Variants in MGAT5 observed in about 807,000 individuals in gnomAD.
MGAT5 encodes alpha-1,6-mannosylglycoprotein 6-beta-N-acetylglucosaminyltransferase, also known as alpha-1,6-mannosylglycoprotein 6-beta-N-acetylglucosaminyltransferase A.
In MGAT5, 30 loss-of-function variants were observed where a neutral mutation model predicts 94.3. The observed-to-expected ratio is 0.32, with a 90% CI of 0.24 to 0.43. The LOEUF is 0.43. Among genes scored for constraint, MGAT5 ranks in the 20% least tolerant of loss-of-function variants. MGAT5 has a pLI of 1.00. For synonymous variants in MGAT5, 310 were observed against 322.9 expected, an observed-to-expected ratio of 0.96 and a Z score of 0.43; for missense variants, 691 against 905.5, an observed-to-expected ratio of 0.76 and a Z score of 3.04.
intron 1 of MGAT5, among the ~76,000 whole-genome samples, chr2:134,128,530 G>A (rs1667840499): frequency 6.6e-6 from 1 of 152,052 alleles, no homozygotes; most frequent in African/African-American, 2.4e-5. Flanking sequence ...ATTTCTGTAA[G>A]CAGAATCAAA....
rs1421501263 is a variant in MGAT5, at chr2:134,451,535, G to C, written c.*2688G>C. ...CTTCCAACTGCCCTGCATGGAAGAG[G>C]AGAGGAAGGTGCCCCTGTGTGGGCT... On this transcript the variant is annotated 3_prime_UTR_variant, in exon 16 of 16. Coordinates refer to ENST00000281923, the MANE Select transcript of MGAT5 (RefSeq NM_002410.5). 2 of 152,304 alleles carry C rather than the reference G, an allele frequency of 1.3e-5. No homozygotes were observed. Among genetic ancestry groups the C allele is most frequent in the Non-Finnish European group, 2.9e-5 (2 of 68,094 alleles). 9.4% of individuals were successfully genotyped at this position (152,304 alleles called of 1,614,324 possible).
In MGAT5 at chr2:134,317,594, G is replaced by A. The variant is rs769181722; in HGVS notation, c.472G>A (p.Gly158Arg). 2 of 1,564,418 alleles carry A rather than the reference G, an allele frequency of 1.3e-6. No individual in the cohort carries two copies. The highest frequency in any genetic ancestry group is 1.7e-6 in the Non-Finnish European group (2 of 1,157,236). ...TATGGACGGCTACCCTCACTGTGAG[G>A]GAAAGATCAAGGTAAGGCAGAGGCA... ...PPMDGYPHCE[G>R]KIKWMKDMWR... The change falls in exon 3 of 16, where the codon GGA becomes AGA. Residue 158 changes from glycine to arginine, a missense_variant. Physicochemically the swap from Gly to Arg is moderately radical, Grantham distance 125 (BLOSUM62 -2). Coordinates refer to ENST00000281923, the MANE Select transcript of MGAT5 (RefSeq NM_002410.5).
chr2:134,127,505 C>G (rs965506656), intron 1 of MGAT5, among the ~76,000 whole-genome samples: 32 of 125,244 alleles, frequency 2.6e-4, no homozygotes, highest in Non-Finnish European at 4.5e-4. Flanking sequence ...TCCCCCCCCC[C>G]CAGGCTTGTT....
chr2:134,285,710 C>T (rs1684961933), intron 2 of MGAT5, among the ~76,000 whole-genome samples: 1 of 152,130 alleles, frequency 6.6e-6, no homozygotes, highest in East Asian at 1.9e-4. Context: ...TTTCATATTT[C>T]TCCATAACAT....
rs547852348 is a variant in MGAT5, at chr2:134,172,259, A to G, written c.-143+51968A>G. Among the ~76,000 whole-genome samples the G allele has an allele frequency of 1.4e-4, 22 of 152,308 alleles. No homozygotes were observed. The East Asian group carries it at 4.1e-3, about 28-fold the overall frequency. On this transcript the variant is annotated intron_variant, in intron 1 of 16. Transcript: ENST00000409645. Reference sequence around the variant, plus strand: ...ACTGAACTGGAGCGTGTGACTCCTAAGGACAGTATAGTCTCTGAACTGTGT... The same window carrying G: ...ACTGAACTGGAGCGTGTGACTCCTAGGGACAGTATAGTCTCTGAACTGTGT...
At chr2:134,382,258 A>G (rs1389863956) in intron 10 of MGAT5, among the ~76,000 whole-genome samples, 1 of 152,126 alleles carries the variant, frequency 6.6e-6, no homozygotes, top group Non-Finnish European at 1.5e-5. Flanking sequence ...GTCTAAAAAA[A>G]AAAAATAAAG....
At chr2:134,204,615 A>G (rs1161014174) in intron 1 of MGAT5, among the ~76,000 whole-genome samples, 1 of 152,210 alleles carries the variant, frequency 6.6e-6, no homozygotes, top group East Asian at 1.9e-4. Context: ...GCAGTACCCC[A>G]GGAAGGAGAT....
At position 134,177,144 on chromosome 2, in the gene MGAT5, C is replaced by CGTGTGTGTGTGTGT. The variant is rs141358502; in HGVS notation, c.-143+56858_-143+56871dup. Reference sequence around the variant, plus strand: ...AGGGACCTCCTGTAACAAATGAACCCGTGTGTGTGTGTGTGTGTATGTATC... The same window carrying CGTGTGTGTGTGTGT: ...AGGGACCTCCTGTAACAAATGAACCCGTGTGTGTGTGTGTGTGTGTGTGTGTGTGTGTATGTATC... On this transcript the variant is annotated intron_variant, in intron 1 of 16. Transcript: ENST00000409645. Among the ~76,000 whole-genome samples, 490 of 142,622 alleles carry CGTGTGTGTGTGTGT rather than the reference C, an allele frequency of 3.4e-3. 6 individuals are homozygous for CGTGTGTGTGTGTGT. Among genetic ancestry groups the CGTGTGTGTGTGTGT allele is most frequent in the African/African-American group, 0.012 (447 of 36,204 alleles). The allele number at this position is 142,622 out of a possible 152,430, so 93.6% of individuals were successfully genotyped here. A position where few individuals can be genotyped will look rare whatever the true frequency, so the allele number is the denominator to read the frequency against.
At chr2:134,274,693 C>G (rs369737110) in intron 2 of MGAT5, among the ~76,000 whole-genome samples, 1 of 152,180 alleles carries the variant, frequency 6.6e-6, no homozygotes, top group South Asian at 2.1e-4. Context: ...ATGATAGCAT[C>G]CAAGTGGTGT....
At chr2:134,298,968 GCTTT>G (rs1296413342) in intron 2 of MGAT5, among the ~76,000 whole-genome samples, 1 of 152,172 alleles carries the variant, frequency 6.6e-6, no homozygotes, top group African/African-American at 2.4e-5. Context: ...GAATTCTTCT[GCTTT>G]CTTGTGAAAG....
At chr2:134,311,481 C>A (rs1219826784) in intron 2 of MGAT5, among the ~76,000 whole-genome samples, 2 of 152,110 alleles carry the variant, frequency 1.3e-5, no homozygotes, top group African/African-American at 4.8e-5. Flanking sequence ...ATATGGTCAG[C>A]CATTGCTCTG....
chr2:134,197,162 A>G (rs1679532583), intron 1 of MGAT5, among the ~76,000 whole-genome samples: 1 of 152,190 alleles, frequency 6.6e-6, no homozygotes, highest in Admixed American at 6.5e-5. Flanking sequence ...AACTCTGCAG[A>G]TTGGTGGGTT....
At chr2:134,261,328 T>C (rs1370328414) in intron 1 of MGAT5, among the ~76,000 whole-genome samples, 1 of 152,116 alleles carries the variant, frequency 6.6e-6, no homozygotes, top group Non-Finnish European at 1.5e-5. Flanking sequence ...CCCAGCTGTG[T>C]CCTGGTGCTC....
chr2:134,132,490 AT>A (rs1686223358), intron 1 of MGAT5, among the ~76,000 whole-genome samples: 1 of 152,242 alleles, frequency 6.6e-6, no homozygotes, highest in Non-Finnish European at 1.5e-5. Flanking sequence ...GTCTTAAAAA[AT>A]TTTGGTCAGA....
rs535055811 is a variant in MGAT5, at chr2:134,284,497, G to A, written c.406+13947G>A. ...AAGTTTGCCAACCCCTGGCCTAAAT[G>A]AATGGTGCTGTCTGGAATGCAGTAC... is the stretch of plus-strand genomic sequence containing the variant. On this transcript the variant is annotated intron_variant, in intron 2 of 15. Transcript: ENST00000281923. Among the ~76,000 whole-genome samples the A allele has an allele frequency of 1.6e-4, 24 of 151,834 alleles. No homozygotes were observed. The South Asian group carries it at 5.0e-3, about 32-fold the overall frequency.
At chr2:134,347,755 G>A (rs1310184270) in intron 8 of MGAT5, among the ~76,000 whole-genome samples, 3 of 152,130 alleles carry the variant, frequency 2.0e-5, no homozygotes, top group Admixed American at 2.0e-4. Flanking sequence ...GTCCACAGGG[G>A]TCCTGGAACA....
chr2:134,358,150 A>G (rs17784019), intron 9 of MGAT5, among the ~76,000 whole-genome samples: 1,945 of 151,338 alleles, frequency 0.013, 15 homozygotes, highest in African/African-American at 0.02. Flanking sequence ...TACTGTATCA[A>G]TCTATATGCC....
At chr2:134,183,221 A>G (rs569648264) in intron 1 of MGAT5, among the ~76,000 whole-genome samples, 1 of 152,328 alleles carries the variant, frequency 6.6e-6, no homozygotes, top group East Asian at 1.9e-4. Flanking sequence ...TGTTCCATGC[A>G]TGGGTTCACT....
chr2:134,273,967 A>G (rs1266821821), intron 2 of MGAT5, among the ~76,000 whole-genome samples: 1 of 152,204 alleles, frequency 6.6e-6, no homozygotes, highest in Non-Finnish European at 1.5e-5. Context: ...GGCCTTCGTC[A>G]AAATTCTCTC....
Sources: gnomAD v4.1 joint callset for allele counts (sites outside exome capture counted in the v4.1 genomes callset) on GRCh38, gnomAD v4.1.1 for gene constraint, MANE v1.5 for transcripts, NCBI Gene and HGNC (gene_info 2026-07-23, HGNC 2026-07-21) for gene names.